Variants in EBF2 observed in about 807,000 individuals in gnomAD.
The protein encoded by EBF2 is EBF transcription factor 2.
A neutral mutation model predicts 72.8 loss-of-function variants in EBF2; 21 were observed. That is an observed-to-expected ratio of 0.29 (90% CI 0.20 to 0.42). The LOEUF (loss-of-function observed/expected upper bound fraction) is 0.42, where lower values mean the gene tolerates loss of function less well. Ranked by LOEUF, EBF2 falls within the 10% of genes least tolerant of loss-of-function variation. The pLI is 1.00. For missense variants in EBF2, 637 were observed against 731.2 expected (o/e 0.87, Z 1.49); for synonymous variants, 299 against 274.2 (o/e 1.09, Z -0.89).
intron 6 of EBF2, among the ~76,000 whole-genome samples, chr8:25,944,262 C>T (rs921474917): frequency 2.0e-5 from 3 of 152,152 alleles, no homozygotes; most frequent in Admixed American, 6.5e-5. Flanking sequence ...TTATAAACAT[C>T]TCTTTATAAC....
At chr8:25,934,743 GC>G (rs1274024360) in intron 6 of EBF2, among the ~76,000 whole-genome samples, 1 of 152,206 alleles carries the variant, frequency 6.6e-6, no homozygotes, top group Non-Finnish European at 1.5e-5. Context: ...CTTCAGAGGT[GC>G]CTTAGAGCAC....
intron 6 of EBF2, among the ~76,000 whole-genome samples, chr8:26,026,185 A>AT (rs371295917): frequency 0.094 from 14,314 of 151,710 alleles, 723 homozygotes; most frequent in South Asian, 0.12. Flanking sequence ...TCAAAAAGAA[A>AT]TTTTTTTTAA....
chr8:25,929,728 A>G (rs1342458286), intron 6 of EBF2, among the ~76,000 whole-genome samples: 1 of 152,196 alleles, frequency 6.6e-6, no homozygotes, highest in African/African-American at 2.4e-5. Context: ...GAGTAAGGTC[A>G]TGTTGATCCT....
intron 6 of EBF2, among the ~76,000 whole-genome samples, chr8:26,026,691 C>A (rs1805307262): frequency 6.6e-6 from 1 of 152,202 alleles, no homozygotes; most frequent in Non-Finnish European, 1.5e-5. Flanking sequence ...ATAACAGATT[C>A]CCCCTCCAGT....
At chr8:25,976,950 CTT>C (rs1429609047) in intron 6 of EBF2, among the ~76,000 whole-genome samples, 4 of 152,210 alleles carry the variant, frequency 2.6e-5, no homozygotes, top group Non-Finnish European at 5.9e-5. Context: ...TCCATGTTCT[CTT>C]GAGTTGCAGC....
chr8:25,901,358 G>T (rs4872375), intron 7 of EBF2, among the ~76,000 whole-genome samples: 1 of 150,462 alleles, frequency 6.6e-6, no homozygotes, highest in South Asian at 2.1e-4. Context: ...AGAGGCAGAG[G>T]TTGCAGTGAG....
intron 6 of EBF2, among the ~76,000 whole-genome samples, chr8:25,961,660 C>A (rs1049933619): frequency 2.6e-5 from 4 of 152,030 alleles, no homozygotes; most frequent in African/African-American, 4.8e-5. Context: ...CGCGCCCAGC[C>A]CTAATGTGAG....
chr8:26,023,135 C>T (rs1319041810), intron 6 of EBF2, among the ~76,000 whole-genome samples: 1 of 152,142 alleles, frequency 6.6e-6, no homozygotes, highest in African/African-American at 2.4e-5. Flanking sequence ...AAGAACTTAT[C>T]CAGCCCTGTT....
At chr8:25,955,366 G>T (rs2117173264) in intron 6 of EBF2, among the ~76,000 whole-genome samples, 1 of 152,348 alleles carries the variant, frequency 6.6e-6, no homozygotes, top group East Asian at 1.9e-4. Flanking sequence ...CTAAATTCAG[G>T]TGGGGGCCTT....
rs1161891279 is a variant in EBF2 at position 26,044,826 on chromosome 8, G to A, written c.34C>T (p.Pro12Ser). 6.2e-7 allele frequency: 1 copy of A among 1,614,088 alleles called. No individual in the cohort carries two copies. The highest frequency in any genetic ancestry group is 1.1e-5 in the South Asian group (1 of 91,082). ...CCCAGCGATTTCTCTTTCAGAGTTG[G>A]TCCTCTTCCTAAAGTATCTTGAATT... ...FGIQDTLGRGPTLKEKSLGAE... is the reference protein window; with the variant it reads ...FGIQDTLGRGSTLKEKSLGAE... The change falls in exon 1 of 16, where the codon CCA becomes TCA. Residue 12 changes from proline (P) to serine (S), a missense_variant. Pro to Ser is a moderately conservative substitution (Grantham distance 74). Around this residue, in one of 3 missense-constraint regions of EBF2, gnomAD observed 174 missense variants for 161.9 expected, o/e 1.07. Transcript: ENST00000520164. The surrounding 1 kb of genome is among the most constrained non-coding windows in gnomAD (Gnocchi z 4.1).
chr8:25,986,001 C>CAAAAAAAAAAAAAAAAAAAAAAAAAAAAA (rs59820523), intron 6 of EBF2, among the ~76,000 whole-genome samples: 1 of 28,556 alleles, frequency 3.5e-5, no homozygotes, highest in African/African-American at 1.8e-4. Flanking sequence ...AACTCTGTCT[C>CAAAAAAAAAAAAAAAAAAAAAAAAAAAAA]AAAAAAAAAA....
At chr8:25,873,826 T>C (rs979572729) in intron 10 of EBF2, among the ~76,000 whole-genome samples, 18 of 152,216 alleles carry the variant, frequency 1.2e-4, no homozygotes, top group African/African-American at 3.4e-4. Flanking sequence ...AAATACACTC[T>C]TGCTCTCTGT....
intron 6 of EBF2, among the ~76,000 whole-genome samples, chr8:25,960,126 C>A (rs931816490): frequency 6.6e-6 from 1 of 152,172 alleles, no homozygotes; most frequent in African/African-American, 2.4e-5. Flanking sequence ...AAAATGAACA[C>A]CCACTCTTTG....
At chr8:25,853,109 C>T (rs1230316396) in intron 14 of EBF2, among the ~76,000 whole-genome samples, 1 of 152,100 alleles carries the variant, frequency 6.6e-6, no homozygotes, top group African/African-American at 2.4e-5. Context: ...AGAGTACTTT[C>T]TCCTGCTAAA....
intron 6 of EBF2, among the ~76,000 whole-genome samples, chr8:25,919,132 T>A (rs1245893965): frequency 6.6e-6 from 1 of 152,188 alleles, no homozygotes; most frequent in Admixed American, 6.5e-5. Flanking sequence ...AAGAAAAGTA[T>A]GCATCTGTGC....
rs17054705 is a variant in EBF2, at chr8:25,967,986, T to C, written c.552-59431A>G. 3.2e-3 allele frequency among the ~76,000 whole-genome samples: 493 copies of C among 152,346 alleles called. 3 individuals are homozygous for C. The highest frequency in any genetic ancestry group is 0.011 in the African/African-American group (477 of 41,578). Reference sequence around the variant, plus strand: ...ATACACACAATATGTACTCAAGAGTTTGTAGATGCATACAATATGCACTTA... The same window carrying C: ...ATACACACAATATGTACTCAAGAGTCTGTAGATGCATACAATATGCACTTA... On this transcript the variant is annotated intron_variant, in intron 6 of 15. Coordinates refer to ENST00000520164, the MANE Select transcript of EBF2 (RefSeq NM_022659.4).
At chr8:26,037,238 T>C (rs901179) in intron 5 of EBF2, among the ~76,000 whole-genome samples, 147,381 of 152,258 alleles carry the variant, frequency 0.97, 71,337 homozygotes, top group East Asian at 1. Flanking sequence ...CTGCATTTTT[T>C]AGAAAGGGAA....
chr8:26,016,775 T>C (rs1488093534), intron 6 of EBF2, among the ~76,000 whole-genome samples: 3 of 152,126 alleles, frequency 2.0e-5, no homozygotes, highest in African/African-American at 4.8e-5. Flanking sequence ...CTTTAAGGAA[T>C]AAAAATAAAC....
chr8:25,866,631 ATATATTTT>A (rs989982769), intron 10 of EBF2, among the ~76,000 whole-genome samples: 1 of 106,040 alleles, frequency 9.4e-6, no homozygotes, highest in African/African-American at 4.2e-5. Context: ...ATATATATAT[ATATATTTT>A]TTTTTTTTTT....
Sources: gnomAD v4.1 joint callset for allele counts (sites outside exome capture counted in the v4.1 genomes callset) on GRCh38, gnomAD v4.1.1 for gene constraint, gnomAD v4.1.1 regional missense constraint, Gnocchi (gnomAD v3.1) non-coding constraint, MANE v1.5 for transcripts, NCBI Gene and HGNC (gene_info 2026-07-23, HGNC 2026-07-21) for gene names.